PHF14: variants seen among roughly 807,000 people sequenced by gnomAD.
PHF14 encodes the protein PHD finger protein 14.
A neutral mutation model predicts 117.9 loss-of-function variants in PHF14; 55 were observed. The observed-to-expected ratio is 0.47, with a 90% CI of 0.38 to 0.58. The LOEUF (loss-of-function observed/expected upper bound fraction) is 0.58, where lower values mean the gene tolerates loss of function less well. Ranked by LOEUF, PHF14 falls within the 20% of genes least tolerant of loss-of-function variation. The pLI, the probability that PHF14 is intolerant of heterozygous loss-of-function variation, is 0.00. For missense variants in PHF14, 978 were observed against 1,122.2 expected, an observed-to-expected ratio of 0.87 and a Z score of 1.84; for synonymous variants, 409 against 368.6, an observed-to-expected ratio of 1.11 and a Z score of -1.26.
intron 17 of PHF14, among the ~76,000 whole-genome samples, chr7:11,132,432 T>G (rs1788116893): frequency 6.6e-6 from 1 of 151,740 alleles, no homozygotes; most frequent in African/African-American, 2.4e-5. Context: ...CGAGATCTCA[T>G]TCTTTTTTAG....
chr7:11,152,873 A>G (rs4495316), intron 17 of PHF14, among the ~76,000 whole-genome samples: 40,896 of 152,094 alleles, frequency 0.27, 6,026 homozygotes, highest in East Asian at 0.5. Context: ...AGTCAGAGGA[A>G]ACACCTACTG....
At chr7:11,139,217 GATTT>G (rs1788334057) in intron 17 of PHF14, among the ~76,000 whole-genome samples, 1 of 151,928 alleles carries the variant, frequency 6.6e-6, no homozygotes. Flanking sequence ...AAAATTTACA[GATTT>G]ATTAAAAAAC....
At chr7:11,041,308 C>T (rs1452954261) in intron 12 of PHF14, among the ~76,000 whole-genome samples, 1 of 151,646 alleles carries the variant, frequency 6.6e-6, no homozygotes, top group East Asian at 1.9e-4. Context: ...TCGGTGTTCA[C>T]CATTATAGTA....
intron 16 of PHF14, among the ~76,000 whole-genome samples, chr7:11,080,249 G>A (rs969110275): frequency 8.6e-5 from 13 of 151,930 alleles, no homozygotes; most frequent in Admixed American, 7.2e-4. Context: ...CTGTCACATC[G>A]TTATTTAAAA....
intron 7 of PHF14, among the ~76,000 whole-genome samples, chr7:11,031,590 C>CA (rs34770071): frequency 0.34 from 42,756 of 126,790 alleles, 7,535 homozygotes; most frequent in East Asian, 0.75. Flanking sequence ...CCATCTCTAC[C>CA]AAAAAAAAAA....
chr7:11,001,091 C>T (rs980219989), intron 4 of PHF14, among the ~76,000 whole-genome samples: 6 of 151,932 alleles, frequency 3.9e-5, no homozygotes, highest in Admixed American at 6.5e-5. Context: ...CGGTCTGTCT[C>T]GGAATTCATT....
intron 13 of PHF14, among the ~76,000 whole-genome samples, chr7:11,046,621 G>C (rs568172373): frequency 7.2e-6 from 1 of 139,810 alleles, no homozygotes; most frequent in African/African-American, 2.9e-5. Flanking sequence ...TGAAATAACA[G>C]GTATATATCT....
intron 3 of PHF14, among the ~76,000 whole-genome samples, chr7:10,986,352 A>G (rs1238893091): frequency 6.6e-6 from 1 of 151,916 alleles, no homozygotes; most frequent in East Asian, 1.9e-4. Context: ...GTTGATATTT[A>G]CCACTTCAAA....
intron 16 of PHF14, among the ~76,000 whole-genome samples, chr7:11,081,651 T>C (rs1786106406): frequency 6.7e-6 from 1 of 149,578 alleles, no homozygotes; most frequent in Non-Finnish European, 1.5e-5. Context: ...AGTCAGGAGA[T>C]CGAGACCATC....
chr7:11,123,374 T>C (rs1787828841), intron 17 of PHF14, among the ~76,000 whole-genome samples: 1 of 152,206 alleles, frequency 6.6e-6, no homozygotes, highest in African/African-American at 2.4e-5. Context: ...TTAACTGACA[T>C]TTACTTAAGT....
intron 4 of PHF14, among the ~76,000 whole-genome samples, chr7:11,004,657 C>A (rs2128313806): frequency 6.6e-6 from 1 of 150,696 alleles, no homozygotes; most frequent in East Asian, 1.9e-4. Flanking sequence ...TGATTGTTTT[C>A]TTGTGATTAG....
chr7:11,021,826 A>G (rs1376033407), intron 5 of PHF14, among the ~76,000 whole-genome samples: 2 of 152,094 alleles, frequency 1.3e-5, no homozygotes, highest in South Asian at 2.1e-4. Context: ...ATTTAGAACT[A>G]TTTTTCCCAG....
chr7:11,156,627 C>G (rs374071167), intron 17 of PHF14, among the ~76,000 whole-genome samples: 1 of 152,032 alleles, frequency 6.6e-6, no homozygotes. Flanking sequence ...AACCCTATCT[C>G]TACTAAAAAA....
chr7:11,088,808 A>G (rs1245393602), intron 16 of PHF14, among the ~76,000 whole-genome samples: 1 of 152,164 alleles, frequency 6.6e-6, no homozygotes, highest in East Asian at 1.9e-4. Context: ...ACTATAACAA[A>G]TCAGTATTAA....
chr7:11,046,485 T>G (rs1420225210), intron 13 of PHF14, among the ~76,000 whole-genome samples: 1 of 152,182 alleles, frequency 6.6e-6, no homozygotes. Flanking sequence ...CTTCTAGGAA[T>G]AGTTTACAGA....
chr7:11,139,859 T>G (rs1788349366), intron 17 of PHF14, among the ~76,000 whole-genome samples: 1 of 152,132 alleles, frequency 6.6e-6, no homozygotes, highest in Admixed American at 6.5e-5. Flanking sequence ...AGTGTACTAT[T>G]CCTAATAATA....
chr7:11,106,713 G>C (rs530571904), intron 16 of PHF14: 1 of 984,082 alleles, frequency 1.0e-6, no homozygotes, highest in African/African-American at 1.7e-5. Context: ...TTTTATTTAA[G>C]TAATGACAGT....
intron 16 of PHF14, among the ~76,000 whole-genome samples, chr7:11,077,473 C>T (rs1034332632): frequency 6.6e-5 from 10 of 151,610 alleles, no homozygotes; most frequent in Admixed American, 1.3e-4. Flanking sequence ...TGGTGGCACG[C>T]GCCTGTAGTC....
intron 11 of PHF14, 139 bp from the exon 12 acceptor site, chr7:11,040,533 T>G (rs1441823705): frequency 7.3e-6 from 3 of 410,202 alleles, no homozygotes; most frequent in Non-Finnish European, 1.3e-5. Context: ...TAATCCTTTT[T>G]GCCAATGTAA....
Sources: allele counts gnomAD v4.1 joint callset (sites outside exome capture counted in the v4.1 genomes callset), GRCh38; gene constraint gnomAD v4.1.1; transcripts MANE v1.5; gene names NCBI Gene and HGNC (gene_info 2026-07-23, HGNC 2026-07-21).